The following EPHA7 variants were observed in gnomAD, a reference collection of about 807,000 sequenced individuals.
EPHA7 encodes ephrin type-A receptor 7.
EPHA7 carries 25 observed loss-of-function variants against 112.6 expected under a neutral mutation model. That is an observed-to-expected ratio of 0.22 (90% CI 0.16 to 0.31). EPHA7 has a LOEUF of 0.31. Among genes scored for constraint, EPHA7 ranks in the 10% least tolerant of loss-of-function variants. EPHA7 has a pLI of 1.00. For synonymous variants in EPHA7, 437 were observed against 406.5 expected (o/e 1.07, Z -0.90); for missense variants, 962 against 1,212.6 (o/e 0.79, Z 3.07).
intron 5 of EPHA7, among the ~76,000 whole-genome samples, chr6:93,308,552 G>A (rs1773374006): frequency 6.6e-6 from 1 of 151,972 alleles, no homozygotes; most frequent in African/African-American, 2.4e-5. Context: ...ACACAGAAAG[G>A]AAACAACATC....
intron 3 of EPHA7, among the ~76,000 whole-genome samples, chr6:93,403,513 C>T (rs1037292161): frequency 5.9e-5 from 9 of 151,876 alleles, no homozygotes; most frequent in South Asian, 2.1e-4. Context: ...GTGGCAGATG[C>T]CTGCAGTCCC....
intron 5 of EPHA7, among the ~76,000 whole-genome samples, chr6:93,300,248 G>A (rs1203040693): frequency 6.6e-6 from 1 of 152,142 alleles, no homozygotes; most frequent in South Asian, 2.1e-4. Flanking sequence ...CATAGAACAG[G>A]ATTCAGTGAT....
At chr6:93,381,239 A>C (rs915923143) in intron 3 of EPHA7, among the ~76,000 whole-genome samples, 1 of 152,206 alleles carries the variant, frequency 6.6e-6, no homozygotes, top group Non-Finnish European at 1.5e-5. Flanking sequence ...ACTTTAGTGC[A>C]ATAAGTTCTC....
intron 5 of EPHA7, among the ~76,000 whole-genome samples, chr6:93,283,807 G>T (rs547078127): frequency 6.6e-6 from 1 of 152,058 alleles, no homozygotes; most frequent in Admixed American, 6.5e-5. Flanking sequence ...CCCAATTCCG[G>T]ACACAGTAAT....
At chr6:93,294,885 G>A (rs1410379420) in intron 5 of EPHA7, among the ~76,000 whole-genome samples, 3 of 151,980 alleles carry the variant, frequency 2.0e-5, no homozygotes, top group Admixed American at 2.0e-4. Flanking sequence ...TCTGAAATAT[G>A]TAATAGTTAT....
intron 3 of EPHA7, among the ~76,000 whole-genome samples, chr6:93,372,592 G>C (rs1776856313): frequency 6.6e-6 from 1 of 152,068 alleles, no homozygotes; most frequent in Non-Finnish European, 1.5e-5. Context: ...TTAGAATTTA[G>C]AGAAAACAAT....
At chr6:93,319,803 A>T (rs2127881611) in intron 5 of EPHA7, among the ~76,000 whole-genome samples, 1 of 152,276 alleles carries the variant, frequency 6.6e-6, no homozygotes, top group South Asian at 2.1e-4. Context: ...AGATTCAATA[A>T]GATTTCCTGA....
chr6:93,318,630 T>G (rs1177494270), intron 5 of EPHA7, among the ~76,000 whole-genome samples: 2 of 152,216 alleles, frequency 1.3e-5, no homozygotes, highest in East Asian at 3.9e-4. Flanking sequence ...CATTTTGTTT[T>G]TTGTTTGTTT....
chr6:93,331,585 T>C (rs1034572501), intron 5 of EPHA7, among the ~76,000 whole-genome samples: 2 of 151,466 alleles, frequency 1.3e-5, no homozygotes. Context: ...ACATAAACAT[T>C]TTTTCAAAGA....
At chr6:93,306,727 T>G (rs904313348) in intron 5 of EPHA7, among the ~76,000 whole-genome samples, 2 of 152,004 alleles carry the variant, frequency 1.3e-5, no homozygotes, top group African/African-American at 4.8e-5. Flanking sequence ...ATAATACATC[T>G]CCTATAAAAA....
intron 5 of EPHA7, among the ~76,000 whole-genome samples, chr6:93,317,594 C>T (rs1234177303): frequency 2.0e-5 from 3 of 152,148 alleles, no homozygotes; most frequent in Non-Finnish European, 4.4e-5. Context: ...TAGTCTTAAG[C>T]TGCATTTAAA....
chr6:93,269,170 A>C (rs777323442), intron 7 of EPHA7, among the ~76,000 whole-genome samples: 3 of 151,794 alleles, frequency 2.0e-5, no homozygotes, highest in Non-Finnish European at 4.4e-5. Context: ...CGAGGTCGAC[A>C]AACACATCTT....
intron 5 of EPHA7, among the ~76,000 whole-genome samples, chr6:93,333,210 T>C (rs1023279069): frequency 2.0e-5 from 3 of 151,832 alleles, no homozygotes; most frequent in African/African-American, 7.2e-5. Context: ...TCAAAGAACA[T>C]GATCTCATTC....
intron 14 of EPHA7, 25 bp downstream of exon 14, chr6:93,254,622 T>C (rs1230131862): frequency 3.7e-6 from 6 of 1,602,614 alleles, no homozygotes; most frequent in Non-Finnish European, 5.1e-6. Flanking sequence ...TCAATCCTTT[T>C]TGTTTAAATG....
intron 5 of EPHA7, among the ~76,000 whole-genome samples, chr6:93,288,113 A>G (rs1772166371): frequency 6.6e-6 from 1 of 152,232 alleles, no homozygotes; most frequent in Non-Finnish European, 1.5e-5. Flanking sequence ...ACAGGTCCAC[A>G]CAAATATTTA....
intron 1 of EPHA7, among the ~76,000 whole-genome samples, chr6:93,416,612 G>C (rs1345609526): frequency 6.6e-6 from 1 of 152,190 alleles, no homozygotes; most frequent in African/African-American, 2.4e-5. Context: ...TCTCTCTTCT[G>C]CTCGGTCCGC....
chr6:93,296,077 C>T (rs1268737164), intron 5 of EPHA7, among the ~76,000 whole-genome samples: 1 of 151,518 alleles, frequency 6.6e-6, no homozygotes, highest in Non-Finnish European at 1.5e-5. Flanking sequence ...ATTTTGAGGT[C>T]TTCTTAATGC....
At chr6:93,331,163 T>C (rs933854856) in intron 5 of EPHA7, among the ~76,000 whole-genome samples, 1 of 151,474 alleles carries the variant, frequency 6.6e-6, no homozygotes, top group African/African-American at 2.4e-5. Context: ...AGTTATAACT[T>C]TGGCAACAAA....
Position 93,255,878 on chromosome 6 carries a change from C to T in EPHA7, c.2332G>A (p.Gly778Ser), listed in dbSNP as rs141289390. 3 of 1,613,884 alleles carry T rather than the reference C, an allele frequency of 1.9e-6. No individual in the cohort carries two copies. The highest frequency in any genetic ancestry group is 1.3e-5 in the African/African-American group (1 of 74,878). Residue 778 changes from glycine (G) to serine (S), a missense_variant, in exon 13 of 17, where the codon GGC (glycine) becomes AGC (serine). Coordinates refer to ENST00000369303, the MANE Select transcript of EPHA7 (RefSeq NM_004440.4). ...SNLVCKVSDF[G>S]LSRVIEDDPE... ...TCATCCTCTATAACTCGGGACAGGCCAAAATCTGACACTTTACAAACGAGA... is the reference window on the plus strand; with the variant it reads ...TCATCCTCTATAACTCGGGACAGGCTAAAATCTGACACTTTACAAACGAGA...
Sources: allele counts gnomAD v4.1 joint callset (sites outside exome capture counted in the v4.1 genomes callset), GRCh38; gene constraint gnomAD v4.1.1; transcripts MANE v1.5; gene names NCBI Gene and HGNC (gene_info 2026-07-23, HGNC 2026-07-21).